The following PARD6G variants were observed in gnomAD, a reference collection of about 807,000 sequenced individuals.
The protein encoded by PARD6G is par-6 family cell polarity regulator gamma.
PARD6G carries 7 observed loss-of-function variants against 10.7 expected under a neutral mutation model. The observed-to-expected ratio is 0.66, with a 90% confidence interval of 0.37 to 1.23. The LOEUF (loss-of-function observed/expected upper bound fraction) is 1.23. PARD6G is among the 50% of genes most tolerant of loss of function. PARD6G has a pLI of 0.02. For synonymous variants in PARD6G, 287 were observed against 269.4 expected, an observed-to-expected ratio of 1.07 and a Z score of -0.64; for missense variants, 548 against 571.8, an observed-to-expected ratio of 0.96 and a Z score of 0.42.
intron 1 of PARD6G, among the ~76,000 whole-genome samples, chr18:80,245,601 G>A (rs962704414): frequency 7.9e-5 from 12 of 152,032 alleles, no homozygotes; most frequent in Non-Finnish European, 1.6e-4. Context: ...TGAGAACACA[G>A]ACCTCTATAT....
rs1417481295 is a variant in PARD6G, at chr18:80,160,125, G to A, written c.777C>T (p.Gly259=). The part of the protein sequence containing the change: ...PANQRNNVVR[G]GRALGSSGPP... Reference sequence around the variant, plus strand: ...GTCCCGAGCTGCCCAACGCGCGGCCGCCGCGCACCACGTTGTTGCGCTGGT... The same window carrying A: ...GTCCCGAGCTGCCCAACGCGCGGCCACCGCGCACCACGTTGTTGCGCTGGT... Residue 259 remains glycine (G), a synonymous_variant, in exon 3 of 3, where the codon GGC becomes GGT. Coordinates refer to ENST00000353265, the MANE Select transcript of PARD6G (RefSeq NM_032510.4). The A allele has an allele frequency of 4.3e-6, 7 of 1,612,146 alleles. No homozygotes were observed. The highest frequency in any genetic ancestry group is 3.3e-5 in the South Asian group (3 of 91,020).
In PARD6G at chr18:80,184,027, C is replaced by T. The variant is rs990042841; in HGVS notation, c.295+18683G>A. ...TTAGCGGTCAAAGAACTCTGTTTTTCTTGGTCCAAACCAGAGGAAATTTAT... is the reference window on the plus strand; with the variant it reads ...TTAGCGGTCAAAGAACTCTGTTTTTTTTGGTCCAAACCAGAGGAAATTTAT... On this transcript the variant is annotated intron_variant, in intron 2 of 2. Transcript: ENST00000353265. This position sits in a 1 kb window ranked among gnomAD's most constrained non-coding sequence, Gnocchi z 4.5. The T allele has an allele frequency of 2.6e-5, 4 of 152,162 alleles. No individual in the cohort carries two copies. Among genetic ancestry groups the T allele is most frequent in the African/African-American group, 9.7e-5 (4 of 41,448 alleles). 9.4% of individuals were successfully genotyped at this position (152,162 alleles called of 1,614,324 possible). A position where few individuals can be genotyped will look rare whatever the true frequency, so the allele number is the denominator to read the frequency against.
At chr18:80,229,391 G>A (rs969559690) in intron 1 of PARD6G, among the ~76,000 whole-genome samples, 12 of 152,268 alleles carry the variant, frequency 7.9e-5, no homozygotes, top group Admixed American at 2.6e-4. Flanking sequence ...AGATGGGCAA[G>A]GCCCCTGGGC....
intron 1 of PARD6G, among the ~76,000 whole-genome samples, chr18:80,203,474 C>T (rs918632613): frequency 3.9e-5 from 6 of 152,066 alleles, no homozygotes; most frequent in Admixed American, 2.0e-4. Flanking sequence ...CCACACTGAC[C>T]GAGGGACAGC....
chr18:80,246,905 C>G lies in PARD6G; in HGVS notation c.72+372G>C, dbSNP rs531276152. Among the ~76,000 whole-genome samples, 2 of 152,072 alleles carry G rather than the reference C, an allele frequency of 1.3e-5. No homozygotes were observed. The highest frequency in any genetic ancestry group is 1.3e-4 in the Admixed American group (2 of 15,290). On this transcript the variant is annotated intron_variant, in intron 1 of 2. Transcript: ENST00000353265. This position sits in a 1 kb window ranked among gnomAD's most constrained non-coding sequence, Gnocchi z 6.7. Reference sequence around the variant, plus strand: ...CAGAGCCCCCCCACGGCCCCGAATCCGAGCAGCCCCTGGCCCTCAACTCGC... The same window carrying G: ...CAGAGCCCCCCCACGGCCCCGAATCGGAGCAGCCCCTGGCCCTCAACTCGC...
chr18:80,224,693 A>G (rs929677156), intron 1 of PARD6G, among the ~76,000 whole-genome samples: 20 of 152,152 alleles, frequency 1.3e-4, no homozygotes, highest in Non-Finnish European at 2.5e-4. Context: ...TAAAAATACA[A>G]AAAATTAGCC....
intron 1 of PARD6G, among the ~76,000 whole-genome samples, chr18:80,222,012 G>A (rs1967235743): frequency 6.6e-6 from 1 of 152,000 alleles, no homozygotes. Context: ...ACAGAATATT[G>A]TTGAAAAAAT....
rs1443946735 is a variant in PARD6G, at chr18:80,157,976, C to G, written c.*1795G>C. The G allele has an allele frequency of 6.6e-6, 1 of 152,120 alleles. No individual in the cohort carries two copies. Among genetic ancestry groups the G allele is most frequent in the African/African-American group, 2.4e-5 (1 of 41,374 alleles). 9.4% of individuals were successfully genotyped at this position (152,120 alleles called of 1,614,324 possible). On this transcript the variant is annotated 3_prime_UTR_variant, in exon 3 of 3. Transcript: ENST00000353265. Reference sequence around the variant, plus strand: ...AGAAGCAGCGGGAGGTACGCAGCTCCGACAACCTAGAAAAATATTTCTTTA... The same window carrying G: ...AGAAGCAGCGGGAGGTACGCAGCTCGGACAACCTAGAAAAATATTTCTTTA...
At chr18:80,235,147 T>G (rs1967405415) in intron 1 of PARD6G, among the ~76,000 whole-genome samples, 1 of 152,116 alleles carries the variant, frequency 6.6e-6, no homozygotes. Context: ...ATAGAAATTA[T>G]AACAAACTGT....
At chr18:80,179,259 T>G (rs2052834996) in intron 2 of PARD6G, among the ~76,000 whole-genome samples, 1 of 151,652 alleles carries the variant, frequency 6.6e-6, no homozygotes, top group African/African-American at 2.4e-5. Context: ...GGGGAACGTT[T>G]TTCCTTGGTA....
rs570434865 is a variant in PARD6G, at chr18:80,192,825, C to T, written c.295+9885G>A. Reference sequence around the variant, plus strand: ...GCAGGGACCCTCCTGGCTCGCCGGCCGTGGGAGCTGGGCTGTCAGTCCTCC... The same window carrying T: ...GCAGGGACCCTCCTGGCTCGCCGGCTGTGGGAGCTGGGCTGTCAGTCCTCC... On this transcript the variant is annotated intron_variant, in intron 2 of 2. Transcript: ENST00000353265. This position sits in a 1 kb window ranked among gnomAD's most constrained non-coding sequence, Gnocchi z 4.9. 6.6e-5 allele frequency among the ~76,000 whole-genome samples: 10 copies of T among 152,194 alleles called. No homozygotes were observed. The highest frequency in any genetic ancestry group is 2.1e-4 in the South Asian group (1 of 4,824).
At chr18:80,186,337 ACATGTG>A (rs2052877527) in intron 2 of PARD6G, among the ~76,000 whole-genome samples, 4 of 138,098 alleles carry the variant, frequency 2.9e-5, no homozygotes, top group African/African-American at 2.8e-5. Flanking sequence ...GCACACCCTC[ACATGTG>A]CATGCACCCT....
At chr18:80,212,884 C>CAA (rs529081644) in intron 1 of PARD6G, among the ~76,000 whole-genome samples, 14 of 147,086 alleles carry the variant, frequency 9.5e-5, no homozygotes, top group Non-Finnish European at 1.0e-4. Context: ...GACCCCATCT[C>CAA]AAAAAAAAAA....
intron 1 of PARD6G, among the ~76,000 whole-genome samples, chr18:80,204,691 G>A (rs1183578621): frequency 6.6e-6 from 1 of 152,078 alleles, no homozygotes; most frequent in African/African-American, 2.4e-5. Flanking sequence ...GCTCACGCCT[G>A]TAATCCCAGC....
chr18:80,237,689 T>G (rs1017384847), intron 1 of PARD6G, among the ~76,000 whole-genome samples: 1 of 152,110 alleles, frequency 6.6e-6, no homozygotes, highest in Non-Finnish European at 1.5e-5. Flanking sequence ...GGGTGAAGGA[T>G]ATGAACAGAC....
intron 1 of PARD6G, among the ~76,000 whole-genome samples, chr18:80,227,488 C>T (rs1442298746): frequency 6.6e-6 from 1 of 152,196 alleles, no homozygotes; most frequent in Non-Finnish European, 1.5e-5. Context: ...GCAACAAAAA[C>T]AGGGAGGCAA....
At chr18:80,193,270 G>A (rs1966915903) in intron 2 of PARD6G, among the ~76,000 whole-genome samples, 1 of 152,168 alleles carries the variant, frequency 6.6e-6, no homozygotes, top group Admixed American at 6.5e-5. Flanking sequence ...CCTCACGCAT[G>A]GCCTGGGGAA....
intron 1 of PARD6G, among the ~76,000 whole-genome samples, chr18:80,232,055 C>G (rs544801949): frequency 4.6e-5 from 7 of 152,142 alleles, no homozygotes; most frequent in Admixed American, 1.3e-4. Context: ...AGCTGTTTTT[C>G]AGGGCATTTT....
chr18:80,242,149 G>GC (rs920295893), intron 1 of PARD6G, among the ~76,000 whole-genome samples: 2 of 151,918 alleles, frequency 1.3e-5, no homozygotes, highest in Admixed American at 1.3e-4. Context: ...CGCCATCAGT[G>GC]CCCCCCAGGC....
Sources: gnomAD v4.1 joint callset for allele counts (sites outside exome capture counted in the v4.1 genomes callset) on GRCh38, gnomAD v4.1.1 for gene constraint, Gnocchi (gnomAD v3.1) non-coding constraint, MANE v1.5 for transcripts, NCBI Gene and HGNC (gene_info 2026-07-23, HGNC 2026-07-21) for gene names.